The following CTXND1 variants were observed in gnomAD, a reference collection of about 807,000 sequenced individuals.
The protein encoded by CTXND1 is cortexin domain containing 1, also known as cortexin domain-containing 1 protein.
intron 1 of CTXND1, among the ~76,000 whole-genome samples, chr15:80,242,419 T>C (rs749770708): frequency 1.3e-5 from 2 of 152,240 alleles, no homozygotes; most frequent in Non-Finnish European, 2.9e-5. Flanking sequence ...TATGGCCCCG[T>C]CTGGCGCCTC....
At chr15:80,242,209 G>A (rs1893576635) in intron 1 of CTXND1, among the ~76,000 whole-genome samples, 1 of 152,172 alleles carries the variant, frequency 6.6e-6, no homozygotes, top group African/African-American at 2.4e-5. Context: ...TTGAAAGGCA[G>A]GAAGGAGAGG....
chr15:80,227,975 TC>T (rs1893390499), intron 1 of CTXND1, among the ~76,000 whole-genome samples: 1 of 152,210 alleles, frequency 6.6e-6, no homozygotes, highest in African/African-American at 2.4e-5. Flanking sequence ...AAAATTGGGG[TC>T]AGTCCTCTCA....
rs1383705826 is a variant in CTXND1, at chr15:80,199,930, T to G, written c.*1840A>C. ...TGGATGGGGATGGAAGGCCACAGCTTGGAGGGATGGAATAAATGCACTCAG... is the reference window on the plus strand; with the variant it reads ...TGGATGGGGATGGAAGGCCACAGCTGGGAGGGATGGAATAAATGCACTCAG... On this transcript the variant is annotated 3_prime_UTR_variant, in exon 3 of 3. Coordinates refer to ENST00000560778, the MANE Select transcript of CTXND1 (RefSeq NM_001352888.2). 6.6e-6 allele frequency: 1 copy of G among 152,214 alleles called. No homozygotes were observed. The highest frequency in any genetic ancestry group is 1.5e-5 in the Non-Finnish European group (1 of 68,070). The allele number at this position is 152,214 out of a possible 1,614,324, so 9.4% of individuals were successfully genotyped here. A position where few individuals can be genotyped will look rare whatever the true frequency, so the allele number is the denominator to read the frequency against.
In CTXND1 at chr15:80,201,857, CACG is replaced by C; in HGVS notation, c.90_92del (p.Val31del). 2.5e-6 allele frequency: 1 copy of C among 398,876 alleles called. No homozygotes were observed. Among genetic ancestry groups the C allele is most frequent in the African/African-American group, 2.1e-5 (1 of 48,772 alleles). 24.7% of individuals were successfully genotyped at this position (398,876 alleles called of 1,614,324 possible). On this transcript the variant is annotated inframe_deletion, in exon 3 of 3. Transcript: ENST00000560778. ...TGACCTTGGCACAGCGGATGATCATCACGACAAGGAAGAGGCAGAGGAAGACGA... is the reference window on the plus strand; with the variant it reads ...TGACCTTGGCACAGCGGATGATCATCACAAGGAAGAGGCAGAGGAAGACGA...
intron 1 of CTXND1, among the ~76,000 whole-genome samples, chr15:80,217,418 C>A (rs1595905524): frequency 6.6e-6 from 1 of 152,082 alleles, no homozygotes; most frequent in African/African-American, 2.4e-5. Flanking sequence ...AAAATGGAAT[C>A]TATTTTTTTG....
intron 1 of CTXND1, among the ~76,000 whole-genome samples, chr15:80,218,719 T>C (rs1041562761): frequency 5.3e-5 from 8 of 152,018 alleles, no homozygotes; most frequent in African/African-American, 1.9e-4. Context: ...TTAACCAATA[T>C]TAGTATTTCA....
Position 80,196,575 on chromosome 15 carries a change from G to A in CTXND1, c.*5195C>T, listed in dbSNP as rs2041421542. On this transcript the variant is annotated 3_prime_UTR_variant, in exon 3 of 3. Transcript: ENST00000560778. ...GGCTACATTATGATTTAAGTTGCAG[G>A]AGGGAGTGGGACTAAATTGCTATCA... 1 of 152,220 alleles carries A rather than the reference G, an allele frequency of 6.6e-6. No homozygotes were observed. The highest frequency in any genetic ancestry group is 2.1e-4 in the South Asian group (1 of 4,826). The allele number at this position is 152,220 out of a possible 1,614,324, so 9.4% of individuals were successfully genotyped here.
rs187781925 is a variant in CTXND1, at chr15:80,226,284, A to G, written c.-217-22544T>C. 3.4e-3 allele frequency among the ~76,000 whole-genome samples: 520 copies of G among 152,354 alleles called. 1 individual carries two copies. Among genetic ancestry groups the G allele is most frequent in the Middle Eastern group, 0.014 (4 of 294 alleles). The stretch of plus-strand genomic sequence containing the variant: ...TTTGTTCGCTAATGTCCATAAGTCA[A>G]CCTGCCTAAATCTGCTGCTGAGGTC... On this transcript the variant is annotated intron_variant, in intron 1 of 2. Transcript: ENST00000560778.
chr15:80,240,201 G>T (rs933292367), intron 1 of CTXND1, among the ~76,000 whole-genome samples: 2 of 152,174 alleles, frequency 1.3e-5, no homozygotes, highest in Non-Finnish European at 2.9e-5. Context: ...CTGACCTCAG[G>T]TGATCCGCCT....
chr15:80,235,445 G>A (rs1278436812), intron 1 of CTXND1, among the ~76,000 whole-genome samples: 2 of 152,182 alleles, frequency 1.3e-5, no homozygotes, highest in African/African-American at 2.4e-5. Context: ...TAGCATCTCC[G>A]AAAGAGCTCG....
rs566569754 is a variant in CTXND1, at chr15:80,199,446, G to A, written c.*2324C>T. On this transcript the variant is annotated 3_prime_UTR_variant, in exon 3 of 3. Coordinates refer to ENST00000560778, the MANE Select transcript of CTXND1 (RefSeq NM_001352888.2). ...TGGAAGACCTTTTCTTTTTCCTGGG[G>A]TCTGTTATTAGCTGACTGGGAGTTG... 7 of 152,276 alleles carry A rather than the reference G, an allele frequency of 4.6e-5. 1 individual carries two copies. The highest frequency in any genetic ancestry group is 3.9e-4 in the Admixed American group (6 of 15,282). The allele number at this position is 152,276 out of a possible 1,614,324, so 9.4% of individuals were successfully genotyped here. A position where few individuals can be genotyped will look rare whatever the true frequency, so the allele number is the denominator to read the frequency against.
chr15:80,251,238 C>T (rs903729407), intron 1 of CTXND1, among the ~76,000 whole-genome samples: 2 of 152,160 alleles, frequency 1.3e-5, no homozygotes, highest in African/African-American at 4.8e-5. Flanking sequence ...ACTTTTGCTG[C>T]GGGCACGGAG....
rs35376511 is a variant in CTXND1 at position 80,196,909 on chromosome 15, G to A, written c.*4861C>T. ...CTACTGAGCTGCAGTGGGTGCAGGA[G>A]TTTTGATCCTCTAGCTGTGGCCAGG... On this transcript the variant is annotated 3_prime_UTR_variant, in exon 3 of 3. Coordinates refer to ENST00000560778, the MANE Select transcript of CTXND1 (RefSeq NM_001352888.2). The A allele has an allele frequency of 0.068, 10,364 of 152,298 alleles. 431 individuals carry two copies. The highest frequency in any genetic ancestry group is 0.094 in the South Asian group (455 of 4,822). The allele number at this position is 152,298 out of a possible 1,614,324, so 9.4% of individuals were successfully genotyped here.
chr15:80,227,898 G>A (rs985924256), intron 1 of CTXND1, among the ~76,000 whole-genome samples: 19 of 152,346 alleles, frequency 1.2e-4, no homozygotes, highest in African/African-American at 4.6e-4. Context: ...TTCCTCTTAT[G>A]AAAGATTTCT....
At chr15:80,228,662 C>T (rs940377464) in intron 1 of CTXND1, among the ~76,000 whole-genome samples, 4 of 146,464 alleles carry the variant, frequency 2.7e-5, no homozygotes, top group Non-Finnish European at 3.0e-5. Flanking sequence ...CACAGTCTTG[C>T]TCTGTCACCC....
chr15:80,236,088 C>G (rs1459059356), intron 1 of CTXND1, among the ~76,000 whole-genome samples: 4 of 149,878 alleles, frequency 2.7e-5, no homozygotes, highest in Non-Finnish European at 5.9e-5. Flanking sequence ...GGGTGGGGAA[C>G]ACCCCAGTGA....
intron 1 of CTXND1, among the ~76,000 whole-genome samples, chr15:80,223,702 A>G (rs1893343209): frequency 6.6e-6 from 1 of 152,050 alleles, no homozygotes. Flanking sequence ...CATCCTCATC[A>G]GCACTTGGTA....
intron 1 of CTXND1, among the ~76,000 whole-genome samples, chr15:80,205,755 A>G (rs1893141503): frequency 1.3e-5 from 2 of 152,126 alleles, no homozygotes; most frequent in East Asian, 1.9e-4. Flanking sequence ...TAAACCCCCA[A>G]TTTTAGTCAG....
At chr15:80,222,585 C>G (rs551234161) in intron 1 of CTXND1, among the ~76,000 whole-genome samples, 5 of 152,164 alleles carry the variant, frequency 3.3e-5, no homozygotes, top group Non-Finnish European at 7.4e-5. Context: ...GAGTTTTACA[C>G]ATTATCTCTT....
Sources: allele counts gnomAD v4.1 joint callset (sites outside exome capture counted in the v4.1 genomes callset), GRCh38; gene constraint gnomAD v4.1.1; transcripts MANE v1.5; gene names NCBI Gene and HGNC (gene_info 2026-07-23, HGNC 2026-07-21).